Variants in ST3GAL3 observed in about 807,000 individuals in gnomAD.
The protein encoded by ST3GAL3 is CMP-N-acetylneuraminate-beta-1,4-galactoside alpha-2,3-sialyltransferase.
Under a neutral mutation model 50.1 loss-of-function variants are expected in ST3GAL3, and 21 were observed. The ratio of observed to expected loss-of-function variants is 0.42; its 90% CI spans 0.30 to 0.60. The LOEUF (loss-of-function observed/expected upper bound fraction) is 0.60, where lower values mean the gene tolerates loss of function less well. Among genes scored for constraint, ST3GAL3 ranks in the 20% least tolerant of loss-of-function variants. ST3GAL3 has a pLI of 0.19. For synonymous variants in ST3GAL3, 183 were observed against 190.0 expected (o/e 0.96, Z 0.30); for missense variants, 353 against 489.4 (o/e 0.72, Z 2.63).
At chr1:43,810,267 A>G (rs1433515307) in intron 3 of ST3GAL3, among the ~76,000 whole-genome samples, 1 of 152,192 alleles carries the variant, frequency 6.6e-6, no homozygotes, top group Non-Finnish European at 1.5e-5. Flanking sequence ...AAAGTATGTC[A>G]TAAGCACCCC....
At chr1:43,924,020 G>A (rs906097632) in intron 11 of ST3GAL3, among the ~76,000 whole-genome samples, 33 of 152,230 alleles carry the variant, frequency 2.2e-4, no homozygotes, top group African/African-American at 7.5e-4. Context: ...TTGGGGGTTA[G>A]GTTTCAGTAT....
intron 5 of ST3GAL3, among the ~76,000 whole-genome samples, chr1:43,857,068 C>G (rs1423874112): frequency 6.6e-6 from 1 of 152,128 alleles, no homozygotes; most frequent in Non-Finnish European, 1.5e-5. Flanking sequence ...CCTCAACCTG[C>G]TAACTGTTTC....
At chr1:43,924,832 A>C (rs2083630570) in intron 11 of ST3GAL3, among the ~76,000 whole-genome samples, 2 of 152,234 alleles carry the variant, frequency 1.3e-5, no homozygotes. Flanking sequence ...GCCTTGGTGC[A>C]GGAATGAGGT....
At chr1:43,729,054 T>C (rs1422433282) in intron 1 of ST3GAL3, among the ~76,000 whole-genome samples, 1 of 150,894 alleles carries the variant, frequency 6.6e-6, no homozygotes, top group African/African-American at 2.4e-5. Flanking sequence ...CAGGCCTAGC[T>C]AATTTTTAAA....
In ST3GAL3 at chr1:43,917,670, T is replaced by A. The variant is rs12410278; in HGVS notation, c.745-2734T>A. Among the ~76,000 whole-genome samples, 29 of 19,802 alleles carry A rather than the reference T, an allele frequency of 1.5e-3. No individual in the cohort carries two copies. In the South Asian group the frequency reaches 0.015, roughly 10 times the overall value. 13.0% of individuals were successfully genotyped at this position (19,802 alleles called of 152,430 possible). A position where few individuals can be genotyped will look rare whatever the true frequency, so the allele number is the denominator to read the frequency against. On this transcript the variant is annotated intron_variant, in intron 9 of 11. Transcript: ENST00000347631. ...ATATAATATAATATATAATATATATTATATATATATATATTTTAAACAGAG... is the reference window on the plus strand; with the variant it reads ...ATATAATATAATATATAATATATATAATATATATATATATTTTAAACAGAG...
chr1:43,770,232 G>A (rs958569827), intron 2 of ST3GAL3, among the ~76,000 whole-genome samples: 10 of 75,982 alleles, frequency 1.3e-4, no homozygotes, highest in African/African-American at 4.7e-4. Flanking sequence ...GAGGGGAGGG[G>A]AGGAGAGGAG....
At chr1:43,830,326 C>A (rs2063378201) in intron 4 of ST3GAL3, among the ~76,000 whole-genome samples, 1 of 152,076 alleles carries the variant, frequency 6.6e-6, no homozygotes, top group South Asian at 2.1e-4. Flanking sequence ...TGTGAGCCAC[C>A]ACACCTGGCC....
intron 11 of ST3GAL3, among the ~76,000 whole-genome samples, chr1:43,926,605 C>A (rs1571650127): frequency 1.3e-5 from 2 of 150,224 alleles, no homozygotes. Flanking sequence ...AACTCCGTCT[C>A]AAAAAAAAAT....
intron 1 of ST3GAL3, among the ~76,000 whole-genome samples, chr1:43,710,243 G>C (rs571926230): frequency 4.6e-5 from 7 of 152,190 alleles, no homozygotes; most frequent in African/African-American, 1.7e-4. Flanking sequence ...CACCACACCC[G>C]GCTAATTTTT....
intron 2 of ST3GAL3, among the ~76,000 whole-genome samples, chr1:43,769,150 A>T (rs1241870385): frequency 6.6e-6 from 1 of 152,234 alleles, no homozygotes; most frequent in Non-Finnish European, 1.5e-5. Context: ...GATTTTTATT[A>T]GATTAAAAAG....
chr1:43,894,252 G>A, intron 5 of ST3GAL3, 131 bp from the exon 6 acceptor site: 1 of 871,940 alleles, frequency 1.1e-6, no homozygotes, highest in East Asian at 2.4e-5. Context: ...AACAGGCTGG[G>A]TGGAGGGGGG....
At chr1:43,760,816 A>G (rs1690023046) in intron 2 of ST3GAL3, among the ~76,000 whole-genome samples, 1 of 152,212 alleles carries the variant, frequency 6.6e-6, no homozygotes, top group Non-Finnish European at 1.5e-5. Context: ...AAACAACTCA[A>G]ATACACAACA....
intron 11 of ST3GAL3, among the ~76,000 whole-genome samples, chr1:43,929,599 C>A (rs1439413693): frequency 6.6e-6 from 1 of 152,166 alleles, no homozygotes; most frequent in African/African-American, 2.4e-5. Context: ...CCGCGCCTGG[C>A]CTATTTTTAA....
chr1:43,917,703 C>A (rs2082309792), intron 9 of ST3GAL3, among the ~76,000 whole-genome samples: 1 of 126,250 alleles, frequency 7.9e-6, no homozygotes, highest in Non-Finnish European at 1.6e-5. Context: ...GAGTCTCACT[C>A]TGTCATTCAC....
intron 5 of ST3GAL3, among the ~76,000 whole-genome samples, chr1:43,881,523 T>G (rs2075127546): frequency 6.6e-6 from 1 of 152,160 alleles, no homozygotes; most frequent in Non-Finnish European, 1.5e-5. Flanking sequence ...CAGCACACAG[T>G]TTCCTCCCCT....
intron 5 of ST3GAL3, chr1:43,858,153 A>T (rs1417457482): frequency 1.6e-6 from 2 of 1,289,426 alleles, no homozygotes; most frequent in East Asian, 5.5e-5. Context: ...GAAATGGTGC[A>T]TGGAGACAAA....
intron 5 of ST3GAL3, among the ~76,000 whole-genome samples, chr1:43,859,574 A>G (rs2069379263): frequency 6.6e-6 from 1 of 152,150 alleles, no homozygotes; most frequent in East Asian, 1.9e-4. Flanking sequence ...AAAAAGAAAA[A>G]AAACCAGATG....
chr1:43,779,897 C>G (rs565643050), intron 2 of ST3GAL3, among the ~76,000 whole-genome samples: 1 of 152,190 alleles, frequency 6.6e-6, no homozygotes, highest in Non-Finnish European at 1.5e-5. Context: ...TCCATATGTT[C>G]AGACATGTTA....
intron 2 of ST3GAL3, among the ~76,000 whole-genome samples, chr1:43,789,234 T>G (rs2057740096): frequency 6.6e-6 from 1 of 152,106 alleles, no homozygotes; most frequent in Non-Finnish European, 1.5e-5. Flanking sequence ...GAGGTGTGTT[T>G]TGGGGGCAAT....
Sources: gnomAD v4.1 joint callset for allele counts (sites outside exome capture counted in the v4.1 genomes callset) on GRCh38, gnomAD v4.1.1 for gene constraint, MANE v1.5 for transcripts, NCBI Gene and HGNC (gene_info 2026-07-23, HGNC 2026-07-21) for gene names.